The following MACROD2 variants were observed in gnomAD, a reference collection of about 807,000 sequenced individuals.
MACROD2 encodes the protein mono-ADP ribosylhydrolase 2.
In MACROD2, 36 loss-of-function variants were observed where a neutral mutation model predicts 70.4. The observed-to-expected ratio is 0.51, with a 90% CI of 0.39 to 0.68. The LOEUF (loss-of-function observed/expected upper bound fraction) is 0.68, where lower values mean the gene tolerates loss of function less well. Ranked by LOEUF, MACROD2 falls within the 30% of genes least tolerant of loss-of-function variation. The probability of loss-of-function intolerance (pLI) is 0.00; values close to 1 mark genes in which losing one functional copy is unlikely to be tolerated. For missense variants in MACROD2, 496 were observed against 538.4 expected (o/e 0.92, Z 0.78); for synonymous variants, 172 against 178.8 (o/e 0.96, Z 0.30).
At chr20:15,136,350 G>A (rs1485769384) in intron 5 of MACROD2, among the ~76,000 whole-genome samples, 1 of 151,648 alleles carries the variant, frequency 6.6e-6, no homozygotes, top group Non-Finnish European at 1.5e-5. Context: ...CATGGTACTG[G>A]TACCAAAACA....
intron 3 of MACROD2, among the ~76,000 whole-genome samples, chr20:14,424,886 A>G (rs1316962895): frequency 6.6e-6 from 1 of 152,238 alleles, no homozygotes; most frequent in East Asian, 1.9e-4. Flanking sequence ...TAGAGGAACT[A>G]TAATATTTAA....
chr20:15,577,625 T>C (rs975422378), intron 8 of MACROD2, among the ~76,000 whole-genome samples: 1 of 128,236 alleles, frequency 7.8e-6, no homozygotes, highest in Non-Finnish European at 1.6e-5. Context: ...GCGTGCGTAC[T>C]CCCTGCGTGC....
At chr20:15,154,324 C>A (rs1455407719) in intron 5 of MACROD2, among the ~76,000 whole-genome samples, 3 of 152,174 alleles carry the variant, frequency 2.0e-5, no homozygotes, top group African/African-American at 2.4e-5. Context: ...GTGTCTAATA[C>A]ACCATCTAAG....
intron 8 of MACROD2, among the ~76,000 whole-genome samples, chr20:15,753,997 C>G (rs1301472074): frequency 6.6e-6 from 1 of 152,100 alleles, no homozygotes; most frequent in African/African-American, 2.4e-5. Flanking sequence ...TTTAGCACAT[C>G]TCTCCGAAAA....
At chr20:15,225,177 A>G (rs1207183859) in intron 5 of MACROD2, among the ~76,000 whole-genome samples, 2 of 152,068 alleles carry the variant, frequency 1.3e-5, no homozygotes, top group Non-Finnish European at 2.9e-5. Flanking sequence ...TAGGAAAATA[A>G]AAGAAAGATA....
At chr20:14,161,206 T>C in intron 3 of MACROD2, among the ~76,000 whole-genome samples, 1 of 151,158 alleles carries the variant, frequency 6.6e-6, no homozygotes, top group South Asian at 2.1e-4. Flanking sequence ...TTTTTTTTTT[T>C]GAGATAGAGT....
intron 7 of MACROD2, among the ~76,000 whole-genome samples, chr20:15,447,537 A>G (rs2146386955): frequency 6.6e-6 from 1 of 152,286 alleles, no homozygotes; most frequent in African/African-American, 2.4e-5. Flanking sequence ...CTCCAGCCCC[A>G]GGGCTGCCAT....
In MACROD2 at chr20:15,599,519, G is replaced by A. The variant is rs2048790658; in HGVS notation, c.645+99672G>A. Among the ~76,000 whole-genome samples, 2 of 152,032 alleles carry A rather than the reference G, an allele frequency of 1.3e-5. 1 individual carries two copies. Among genetic ancestry groups the A allele is most frequent in the African/African-American group, 4.8e-5 (2 of 41,398 alleles). On this transcript the variant is annotated intron_variant, in intron 8 of 17. Coordinates refer to ENST00000684519, the MANE Select transcript of MACROD2 (RefSeq NM_001351661.2). ...CTTGAGTAACTTTTCTGCCAAGCTG[G>A]AAAACTTCCAGCCGTGTGGTCTTGG...
In MACROD2 at chr20:14,862,151, A is replaced by AAATATATAAATATATATTATACATG. The variant is rs1420340033; in HGVS notation, c.418+177209_418+177210insTATACATGAATATATAAATATATAT. Among the ~76,000 whole-genome samples the AAATATATAAATATATATTATACATG allele has an allele frequency of 4.3e-4, 17 of 39,222 alleles. 2 individuals carry two copies. Among genetic ancestry groups the AAATATATAAATATATATTATACATG allele is most frequent in the African/African-American group, 1.8e-3 (17 of 9,552 alleles). 25.7% of individuals were successfully genotyped at this position (39,222 alleles called of 152,430 possible). On this transcript the variant is annotated intron_variant, in intron 5 of 17. Transcript: ENST00000684519. Reference sequence around the variant, plus strand: ...ATATATATAAATATATATTATACATAAATATATAAATATATATAAATATAT... The same window carrying AAATATATAAATATATATTATACATG: ...ATATATATAAATATATATTATACATAAATATATAAATATATATTATACATGAATATATAAATATATATAAATATAT...
chr20:14,864,737 G>T (rs1385059823), intron 5 of MACROD2, among the ~76,000 whole-genome samples: 4 of 152,038 alleles, frequency 2.6e-5, no homozygotes, highest in Non-Finnish European at 4.4e-5. Context: ...CAGTGGCTCT[G>T]AAGGTTACCT....
At chr20:14,815,384 A>G (rs1273021746) in intron 5 of MACROD2, among the ~76,000 whole-genome samples, 1 of 152,124 alleles carries the variant, frequency 6.6e-6, no homozygotes, top group African/African-American at 2.4e-5. Flanking sequence ...GCTTTCATAA[A>G]TAGGTTTTCA....
intron 3 of MACROD2, among the ~76,000 whole-genome samples, chr20:14,223,725 C>T (rs997750986): frequency 6.6e-6 from 1 of 152,050 alleles, no homozygotes; most frequent in African/African-American, 2.4e-5. Flanking sequence ...CCAGGCTGGT[C>T]TCGACCTTGT....
rs923149126 is a variant in MACROD2 at position 14,768,625 on chromosome 20, C to CT, written c.418+83675dup. ...TGAGCCACTGTGCCCGACCTTTCCT[C>CT]TTTTTTTTTGAGATGGAGTCTCGCT... On this transcript the variant is annotated intron_variant, in intron 5 of 17. Transcript: ENST00000684519. 9.3e-5 allele frequency among the ~76,000 whole-genome samples: 14 copies of CT among 151,122 alleles called. No homozygotes were observed. The South Asian group carries it at 1.3e-3, about 14-fold the overall frequency.
At chr20:14,464,371 A>G (rs571849252) in intron 3 of MACROD2, among the ~76,000 whole-genome samples, 4 of 152,070 alleles carry the variant, frequency 2.6e-5, no homozygotes, top group Admixed American at 1.3e-4. Context: ...CTGTGGGATC[A>G]GTGGTGATAT....
intron 3 of MACROD2, among the ~76,000 whole-genome samples, chr20:14,090,240 C>G (rs1159396091): frequency 3.3e-5 from 5 of 152,120 alleles, no homozygotes. Flanking sequence ...GTGACCACCA[C>G]CACAATCTAG....
At chr20:16,013,852 G>A (rs991529028) in intron 15 of MACROD2, among the ~76,000 whole-genome samples, 1 of 152,198 alleles carries the variant, frequency 6.6e-6, no homozygotes, top group Non-Finnish European at 1.5e-5. Flanking sequence ...GATGGTTTTG[G>A]TCTATGTGCC....
chr20:14,989,514 AAG>A lies in MACROD2; in HGVS notation c.419-240419_419-240418del, dbSNP rs147926950. On this transcript the variant is annotated intron_variant, in intron 5 of 17. Coordinates refer to ENST00000684519, the MANE Select transcript of MACROD2 (RefSeq NM_001351661.2). ...AAGAAAAGGGAGTGGAGGCAGACTC[AAG>A]AGAGAGTCAGGTGCAAGGGGGTTGG... Among the ~76,000 whole-genome samples the A allele has an allele frequency of 1.0e-3, 158 of 152,244 alleles. 2 individuals are homozygous for A. The highest frequency in any genetic ancestry group is 3.7e-3 in the African/African-American group (153 of 41,562).
At chr20:14,661,061 A>G (rs144529051) in intron 4 of MACROD2, among the ~76,000 whole-genome samples, 2 of 152,134 alleles carry the variant, frequency 1.3e-5, no homozygotes. Context: ...CTGTGGGTAT[A>G]TACTCAGTAA....
intron 4 of MACROD2, among the ~76,000 whole-genome samples, chr20:14,563,553 T>C (rs1243380590): frequency 1.3e-5 from 2 of 151,928 alleles, no homozygotes; most frequent in African/African-American, 4.8e-5. Flanking sequence ...AGTTAAACTT[T>C]TTATTTTGAG....
Sources: allele counts gnomAD v4.1 joint callset (sites outside exome capture counted in the v4.1 genomes callset), GRCh38; gene constraint gnomAD v4.1.1; transcripts MANE v1.5; gene names NCBI Gene and HGNC (gene_info 2026-07-23, HGNC 2026-07-21).